The following KSR1 variants were observed in gnomAD, a reference collection of about 807,000 sequenced individuals.
KSR1 encodes kinase suppressor of ras 1.
In KSR1, 35 loss-of-function variants were observed where a neutral mutation model predicts 92.9. The ratio of observed to expected loss-of-function variants is 0.38; its 90% CI spans 0.29 to 0.50. The LOEUF is 0.50. KSR1 is among the 20% of genes least tolerant of loss of function. The probability of loss-of-function intolerance (pLI) is 0.94; values close to 1 mark genes in which losing one functional copy is unlikely to be tolerated. For missense variants in KSR1, 972 were observed against 1,158.5 expected, an observed-to-expected ratio of 0.84 and a Z score of 2.34; for synonymous variants, 467 against 472.6, an observed-to-expected ratio of 0.99 and a Z score of 0.15.
intron 1 of KSR1, 67 bp downstream of exon 1, chr17:27,456,941 A>G: frequency 1.4e-6 from 1 of 731,920 alleles, no homozygotes; most frequent in Non-Finnish European, 2.5e-6. Flanking sequence ...GGGCCCCAGT[A>G]CTCCTGGCCG....
chr17:27,517,510 G>A (rs967108131), intron 1 of KSR1, among the ~76,000 whole-genome samples: 6 of 152,072 alleles, frequency 3.9e-5, no homozygotes, highest in African/African-American at 1.4e-4. Context: ...GGCTGGTCTC[G>A]AACTCCTGAT....
chr17:27,620,831 C>T (rs1474720937), intron 19 of KSR1, among the ~76,000 whole-genome samples: 1 of 152,176 alleles, frequency 6.6e-6, no homozygotes, highest in Non-Finnish European at 1.5e-5. Context: ...TCCCCAAAAA[C>T]CATATAGTCC....
chr17:27,546,618 G>A (rs930439818), intron 1 of KSR1, among the ~76,000 whole-genome samples: 1 of 152,292 alleles, frequency 6.6e-6, no homozygotes, highest in Non-Finnish European at 1.5e-5. Flanking sequence ...AGCAGGTATT[G>A]GAGGAATAGC....
chr17:27,623,429 T>C lies in KSR1; in HGVS notation c.*37T>C. 1 of 748,722 alleles carries C rather than the reference T, an allele frequency of 1.3e-6. No individual in the cohort carries two copies. Among genetic ancestry groups the C allele is most frequent in the Non-Finnish European group, 2.4e-6 (1 of 409,086 alleles). 46.4% of individuals were successfully genotyped at this position (748,722 alleles called of 1,614,324 possible). ...GTTTTTCGCTGCTGATCTCTTTCTT[T>C]TTAAAATGTGTTTCTGAAACATCCC... On this transcript the variant is annotated 3_prime_UTR_variant, in exon 21 of 21. Transcript: ENST00000644974.
intron 1 of KSR1, among the ~76,000 whole-genome samples, chr17:27,475,878 A>G (rs749210421): frequency 6.6e-6 from 1 of 152,216 alleles, no homozygotes; most frequent in Non-Finnish European, 1.5e-5. Context: ...ATACTGTTAC[A>G]TCGAGGAAAA....
intron 1 of KSR1, among the ~76,000 whole-genome samples, chr17:27,463,480 A>AT (rs987530279): frequency 6.6e-6 from 1 of 151,990 alleles, no homozygotes. Context: ...AAAAAAAAAA[A>AT]AAAAGAGGCT....
chr17:27,529,503 C>T (rs1004267154), intron 1 of KSR1, among the ~76,000 whole-genome samples: 10 of 152,226 alleles, frequency 6.6e-5, no homozygotes, highest in Admixed American at 6.5e-4. Context: ...CTCTGCTGCC[C>T]TCCAGGGGGG....
intron 2 of KSR1, among the ~76,000 whole-genome samples, chr17:27,558,842 G>T (rs1447190073): frequency 6.6e-6 from 1 of 152,094 alleles, no homozygotes. Context: ...GCCCCCTGAG[G>T]CTTCCTGGGG....
At chr17:27,487,637 A>G (rs559464469) in intron 1 of KSR1, among the ~76,000 whole-genome samples, 1 of 151,924 alleles carries the variant, frequency 6.6e-6, no homozygotes, top group East Asian at 1.9e-4. Flanking sequence ...AGGCTGTACA[A>G]GCATGGCTGT....
Position 27,623,865 on chromosome 17 carries a change from CAAGACTCCATCAGGG to C in KSR1, c.*476_*490del. ...CTGATCTGGCCTCTGCTTTTTGGCC[CAAGACTCCATCAGGG>C]AAATCTATCTAGGGCTCTCCCCTTG... is the stretch of plus-strand genomic sequence containing the variant. On this transcript the variant is annotated 3_prime_UTR_variant, in exon 21 of 21. Transcript: ENST00000644974. 2.2e-6 allele frequency: 1 copy of C among 464,306 alleles called. No individual in the cohort carries two copies. Among genetic ancestry groups the C allele is most frequent in the Non-Finnish European group, 3.7e-6 (1 of 268,458 alleles). The allele number at this position is 464,306 out of a possible 1,614,324, so 28.8% of individuals were successfully genotyped here. A position where few individuals can be genotyped will look rare whatever the true frequency, so the allele number is the denominator to read the frequency against.
chr17:27,519,275 A>T (rs940224549), intron 1 of KSR1, among the ~76,000 whole-genome samples: 4 of 152,052 alleles, frequency 2.6e-5, no homozygotes, highest in African/African-American at 9.7e-5. Context: ...TGTCTTGGGC[A>T]CCCACTCTCC....
At chr17:27,601,959 GTA>G in intron 11 of KSR1, 1 of 1,598,908 alleles carries the variant, frequency 6.3e-7, no homozygotes. Context: ...AACGCTTTCA[GTA>G]AGTCAATACA....
chr17:27,465,926 A>G (rs1049702231), intron 1 of KSR1, among the ~76,000 whole-genome samples: 6 of 151,692 alleles, frequency 4.0e-5, no homozygotes, highest in African/African-American at 1.2e-4. Context: ...CTCCTACCCC[A>G]CTCCCACCAA....
At position 27,462,720 on chromosome 17, in the gene KSR1, T is replaced by C. The variant is rs557134757; in HGVS notation, c.231+5846T>C. ...TTTACAAAATACATAATGATATATG[T>C]TCACTATAAAAAAGAAAGTACTAGA... On this transcript the variant is annotated intron_variant, in intron 1 of 20. Transcript: ENST00000644974. Among the ~76,000 whole-genome samples, 18 of 152,380 alleles carry C rather than the reference T, an allele frequency of 1.2e-4. No homozygotes were observed. In the South Asian group the frequency reaches 2.9e-3, roughly 25 times the overall value.
At chr17:27,552,197 AC>A (rs575120519) in intron 2 of KSR1, among the ~76,000 whole-genome samples, 4 of 152,164 alleles carry the variant, frequency 2.6e-5, no homozygotes, top group Non-Finnish European at 4.4e-5. Context: ...TCTCAATGAC[AC>A]TGACCACTTT....
chr17:27,462,403 A>G (rs2019488504), intron 1 of KSR1, among the ~76,000 whole-genome samples: 1 of 152,174 alleles, frequency 6.6e-6, no homozygotes, highest in Non-Finnish European at 1.5e-5. Context: ...GGCCGAGGGC[A>G]TTCCGTGGCT....
chr17:27,458,384 G>A (rs1364459451), intron 1 of KSR1, among the ~76,000 whole-genome samples: 1 of 152,204 alleles, frequency 6.6e-6, no homozygotes, highest in African/African-American at 2.4e-5. Context: ...GGACTTCGGT[G>A]TTGCTGGGCT....
At chr17:27,477,497 A>G (rs917741958) in intron 1 of KSR1, among the ~76,000 whole-genome samples, 4 of 152,168 alleles carry the variant, frequency 2.6e-5, no homozygotes, top group Non-Finnish European at 5.9e-5. Context: ...TTAGAATTGT[A>G]GTCTGGCTGA....
Position 27,591,142 on chromosome 17 carries a change from C to G in KSR1, c.1130+248C>G, listed in dbSNP as rs1390680177. On this transcript the variant is annotated intron_variant, in intron 7 of 20. Coordinates refer to ENST00000644974, the MANE Select transcript of KSR1 (RefSeq NM_001394583.1). Reference sequence around the variant, plus strand: ...TTCCAGGCCATGGGTGCATCTTGTACTAAGGCCTGGAGGAATATGAGGACT... The same window carrying G: ...TTCCAGGCCATGGGTGCATCTTGTAGTAAGGCCTGGAGGAATATGAGGACT... Among the ~76,000 whole-genome samples the G allele has an allele frequency of 3.3e-5, 5 of 152,142 alleles. No homozygotes were observed. The East Asian group carries it at 9.6e-4, about 29-fold the overall frequency.
Sources: gnomAD v4.1 joint callset for allele counts (sites outside exome capture counted in the v4.1 genomes callset) on GRCh38, gnomAD v4.1.1 for gene constraint, MANE v1.5 for transcripts, NCBI Gene and HGNC (gene_info 2026-07-23, HGNC 2026-07-21) for gene names.